IPO11: variants seen among roughly 807,000 people sequenced by gnomAD.
IPO11 encodes importin 11.
In IPO11, 66 loss-of-function variants were observed where a neutral mutation model predicts 143.2. That is an observed-to-expected ratio of 0.46 (90% CI 0.38 to 0.57). The LOEUF (loss-of-function observed/expected upper bound fraction) is 0.57. Among genes scored for constraint, IPO11 ranks in the 20% least tolerant of loss-of-function variants. IPO11 has a pLI of 0.00. For missense variants in IPO11, 1,026 were observed against 1,141.0 expected (o/e 0.90, Z 1.45); for synonymous variants, 385 against 377.8 (o/e 1.02, Z -0.22).
intron 16 of IPO11, among the ~76,000 whole-genome samples, chr5:62,500,498 A>G (rs1032094556): frequency 6.6e-6 from 1 of 152,086 alleles, no homozygotes; most frequent in African/African-American, 2.4e-5. Flanking sequence ...TGTATGTACT[A>G]TACTTTTGTT....
At chr5:62,450,035 T>C in intron 4 of IPO11, 36 bp downstream of exon 4, 2 of 1,363,820 alleles carry the variant, frequency 1.5e-6, no homozygotes, top group South Asian at 1.3e-5. Flanking sequence ...TTCTTTTTAT[T>C]TGTACTGCTT....
chr5:62,606,218 T>C (rs1745708763), intron 29 of IPO11, among the ~76,000 whole-genome samples: 1 of 150,452 alleles, frequency 6.6e-6, no homozygotes, highest in South Asian at 2.1e-4. Context: ...TGGTGGCTTA[T>C]GCCTGTAATC....
At chr5:62,532,277 C>A (rs1382661146) in intron 22 of IPO11, among the ~76,000 whole-genome samples, 1 of 152,146 alleles carries the variant, frequency 6.6e-6, no homozygotes, top group Admixed American at 6.5e-5. Context: ...TTTACTATAA[C>A]TGTATGACAC....
At chr5:62,610,699 T>G (rs899752909) in intron 29 of IPO11, among the ~76,000 whole-genome samples, 1 of 152,226 alleles carries the variant, frequency 6.6e-6, no homozygotes, top group African/African-American at 2.4e-5. Context: ...CAAATAATCC[T>G]ACCTGCTACC....
rs546877236 is a variant in IPO11 at position 62,513,317 on chromosome 5, C to A, written c.1783-2071C>A. 1.8e-4 allele frequency among the ~76,000 whole-genome samples: 16 copies of A among 91,082 alleles called. No individual in the cohort carries two copies. In the South Asian group the frequency reaches 4.2e-3, roughly 24 times the overall value. The allele number at this position is 91,082 out of a possible 152,430, so 59.8% of individuals were successfully genotyped here. On this transcript the variant is annotated intron_variant, in intron 19 of 29. Coordinates refer to ENST00000325324, the MANE Select transcript of IPO11 (RefSeq NM_016338.5). ...GCGGCTGGCTGGGCGTGGGGCTGAC[C>A]CCCCCACCTCCCTCCCAGACGGGGC...
rs1178088509 is a variant in IPO11 at position 62,484,023 on chromosome 5, A to T, written c.1035A>T (p.Glu345Asp). 1 of 1,603,746 alleles carries T rather than the reference A, an allele frequency of 6.2e-7. No individual in the cohort carries two copies. Among genetic ancestry groups the T allele is most frequent in the South Asian group, 1.1e-5 (1 of 88,200 alleles). Residue 345 changes from glutamate to aspartate, a missense_variant, in exon 11 of 30, where the codon GAA becomes GAT. Glu to Asp is a conservative substitution (Grantham distance 45, BLOSUM62 2). Transcript: ENST00000325324. ...TCATTTTTCTAGATAGCAGCCCTGA[A>T]ACTCTTGAAGCCCATAAGATTAAGA... ...PSKNFEDSSPETLEAHKIKMA... is the reference protein window; with the variant it reads ...PSKNFEDSSPDTLEAHKIKMA...
chr5:62,413,888 C>G (rs1743205185), intron 1 of IPO11, among the ~76,000 whole-genome samples: 1 of 152,204 alleles, frequency 6.6e-6, no homozygotes, highest in African/African-American at 2.4e-5. Flanking sequence ...CATTGCATGA[C>G]ACATATTACA....
At position 62,483,248 on chromosome 5, in the gene IPO11, A is replaced by G. The variant is rs1367596427; in HGVS notation, c.976A>G (p.Met326Val). Reference sequence around the variant, plus strand: ...TGTCCAATGTATGAATCTTATTAAGATGATTGTCAAAAATTATGCTTATAA... The same window carrying G: ...TGTCCAATGTATGAATCTTATTAAGGTGATTGTCAAAAATTATGCTTATAA... ...FIVQCMNLIK[M>V]IVKNYAYKPS... The change falls in exon 10 of 30, where the codon ATG becomes GTG. Residue 326 changes from methionine to valine, a missense_variant. By Grantham distance (21) the Met-to-Val change is conservative. Transcript: ENST00000325324. The G allele has an allele frequency of 6.2e-7, 1 of 1,606,102 alleles. No individual in the cohort carries two copies. Among genetic ancestry groups the G allele is most frequent in the South Asian group, 1.1e-5 (1 of 88,604 alleles).
chr5:62,513,821 C>A (rs1166160960), intron 19 of IPO11, among the ~76,000 whole-genome samples: 4 of 148,918 alleles, frequency 2.7e-5, no homozygotes, highest in Admixed American at 1.3e-4. Context: ...CGGAGGGGCT[C>A]CTCACTTCTC....
In IPO11 at chr5:62,443,097, C is replaced by G; in HGVS notation, c.239+14C>G. 2 of 1,501,348 alleles carry G rather than the reference C, an allele frequency of 1.3e-6. No homozygotes were observed. Among genetic ancestry groups the G allele is most frequent in the Non-Finnish European group, 1.8e-6 (2 of 1,084,198 alleles). 93.0% of individuals were successfully genotyped at this position (1,501,348 alleles called of 1,614,324 possible). On this transcript the variant is annotated intron_variant, in intron 3 of 29. Coordinates refer to ENST00000325324, the MANE Select transcript of IPO11 (RefSeq NM_016338.5). ...TGTAGCACCTCAGTAAGTTCCATCA[C>G]TTCCCCTATTCCTTGAGTATAATCC... is the stretch of plus-strand genomic sequence containing the variant.
intron 16 of IPO11, among the ~76,000 whole-genome samples, chr5:62,503,451 A>C (rs1255990927): frequency 6.7e-6 from 1 of 149,900 alleles, no homozygotes; most frequent in Non-Finnish European, 1.5e-5. Context: ...GATTCTATTA[A>C]TAGTTTAATA....
intron 2 of IPO11, among the ~76,000 whole-genome samples, chr5:62,437,960 A>G (rs1744301577): frequency 6.6e-6 from 1 of 152,252 alleles, no homozygotes; most frequent in African/African-American, 2.4e-5. Flanking sequence ...TGACTAATTA[A>G]TCAAAATTAT....
chr5:62,579,050 A>C (rs552053384), intron 27 of IPO11: 1 of 239,518 alleles, frequency 4.2e-6, no homozygotes, highest in South Asian at 4.8e-5. Context: ...ATAAATTATA[A>C]TGTTATTTGA....
intron 27 of IPO11, chr5:62,579,269 TACCA>T: frequency 3.0e-6 from 2 of 655,836 alleles, no homozygotes; most frequent in Admixed American, 2.8e-5. Context: ...TTTTTGCTAT[TACCA>T]TGGTATGATT....
intron 27 of IPO11, among the ~76,000 whole-genome samples, chr5:62,578,365 A>G (rs1233301057): frequency 1.3e-5 from 2 of 152,106 alleles, no homozygotes; most frequent in African/African-American, 4.8e-5. Flanking sequence ...GGAATAAAGC[A>G]TAAAGTTTAA....
At chr5:62,606,352 C>G (rs921861758) in intron 29 of IPO11, among the ~76,000 whole-genome samples, 1 of 151,238 alleles carries the variant, frequency 6.6e-6, no homozygotes. Flanking sequence ...TGATGGCGTG[C>G]ATCTGTAGTC....
At chr5:62,611,152 T>C (rs1745914730) in intron 29 of IPO11, among the ~76,000 whole-genome samples, 1 of 152,162 alleles carries the variant, frequency 6.6e-6, no homozygotes, top group South Asian at 2.1e-4. Context: ...GCTTTCCTTA[T>C]AAATGAGGCC....
chr5:62,569,897 G>A (rs1178129589), intron 27 of IPO11, among the ~76,000 whole-genome samples: 2 of 152,070 alleles, frequency 1.3e-5, no homozygotes, highest in East Asian at 3.8e-4. Flanking sequence ...AATGCAATTT[G>A]TAGTAATTAT....
chr5:62,451,695 G>T (rs752451872), intron 4 of IPO11, 35 bp from the exon 5 acceptor site: 7 of 1,527,012 alleles, frequency 4.6e-6, no homozygotes, highest in Non-Finnish European at 6.3e-6. Context: ...CTTATCTATT[G>T]CCTTGATTCC....
Sources: allele counts gnomAD v4.1 joint callset (sites outside exome capture counted in the v4.1 genomes callset), GRCh38; gene constraint gnomAD v4.1.1; transcripts MANE v1.5; gene names NCBI Gene and HGNC (gene_info 2026-07-23, HGNC 2026-07-21).